RBM6: variants seen among roughly 807,000 people sequenced by gnomAD.
RBM6 encodes the protein RNA binding motif protein 6.
A neutral mutation model predicts 140.4 loss-of-function variants in RBM6; 23 were observed. The ratio of observed to expected loss-of-function variants is 0.16; its 90% confidence interval spans 0.12 to 0.23. The LOEUF is 0.23. Among genes scored for constraint, RBM6 ranks in the 10% least tolerant of loss-of-function variants. RBM6 has a pLI of 1.00. For synonymous variants in RBM6, 439 were observed against 475.6 expected, an observed-to-expected ratio of 0.92 and a Z score of 1.00; for missense variants, 1,139 against 1,386.7, an observed-to-expected ratio of 0.82 and a Z score of 2.84.
chr3:50,065,743 A>C (rs1347445780), intron 16 of RBM6: 19 of 430,314 alleles, frequency 4.4e-5, no homozygotes, highest in Middle Eastern at 1.1e-3. Context: ...CCTGCTCCGC[A>C]TTATTAATTC....
In RBM6 at chr3:50,065,071, A is replaced by G; in HGVS notation, c.2627A>G (p.Asp876Gly). ...NASEGKAPAE[D>G]VFKKPLPPTV... ...AGTGAAGGGAAGGCCCCTGCAGAAG[A>G]CGTCTTTAAGAAGCCCCTGCCTCCT... Residue 876 changes from aspartate to glycine, a missense_variant, in exon 16 of 21, where the codon GAC becomes GGC. Asp to Gly is a moderately conservative substitution (Grantham distance 94). Coordinates refer to ENST00000266022, the MANE Select transcript of RBM6 (RefSeq NM_005777.3). 1.2e-6 allele frequency: 2 copies of G among 1,613,960 alleles called. No individual in the cohort carries two copies. Among genetic ancestry groups the G allele is most frequent in the Non-Finnish European group, 1.7e-6 (2 of 1,179,914 alleles).
chr3:50,018,174 C>G (rs948860249), intron 6 of RBM6, among the ~76,000 whole-genome samples: 1 of 152,154 alleles, frequency 6.6e-6, no homozygotes, highest in Non-Finnish European at 1.5e-5. Context: ...TTTTCTCCAC[C>G]TGTTTGTTCT....
chr3:50,035,642 A>G (rs992007993), intron 6 of RBM6, among the ~76,000 whole-genome samples: 1 of 151,802 alleles, frequency 6.6e-6, no homozygotes, highest in African/African-American at 2.4e-5. Context: ...AGATCATGCC[A>G]TTGCACTCCA....
intron 6 of RBM6, among the ~76,000 whole-genome samples, chr3:50,044,142 T>G (rs934585826): frequency 9.2e-5 from 14 of 151,880 alleles, no homozygotes; most frequent in Non-Finnish European, 1.6e-4. Flanking sequence ...CCTCCCAAAG[T>G]GCTAGGATTA....
Position 49,962,609 on chromosome 3 carries a change from A to G in RBM6, c.-33A>G, listed in dbSNP as rs751942223. 4 of 1,580,590 alleles carry G rather than the reference A, an allele frequency of 2.5e-6. No individual in the cohort carries two copies. The highest frequency in any genetic ancestry group is 3.4e-6 in the Non-Finnish European group (4 of 1,166,734). On this transcript the variant is annotated 5_prime_UTR_variant, in exon 2 of 21. Transcript: ENST00000266022. ...ATAACCAGAATTTGGTAGAAAAAGG[A>G]TTTACTTGTTGGGGCCCTCTTGATA...
At chr3:50,029,835 C>A (rs2108818089) in intron 6 of RBM6, among the ~76,000 whole-genome samples, 1 of 151,994 alleles carries the variant, frequency 6.6e-6, no homozygotes, top group East Asian at 1.9e-4. Flanking sequence ...CCAGCCTGGG[C>A]AACATAGTAA....
chr3:49,971,815 GTC>G, intron 3 of RBM6, among the ~76,000 whole-genome samples: 1 of 152,130 alleles, frequency 6.6e-6, no homozygotes. Flanking sequence ...ACTCAGTCTT[GTC>G]TCTCGTAATG....
Position 49,967,940 on chromosome 3 carries a change from C to T in RBM6, c.515C>T (p.Pro172Leu), listed in dbSNP as rs142246877. The T allele has an allele frequency of 4.7e-3, 7,547 of 1,614,154 alleles. 30 individuals are homozygous for T. The highest frequency in any genetic ancestry group is 7.4e-3 in the Middle Eastern group (45 of 6,062). Reference sequence around the variant, plus strand: ...GACTTCAGAGGTAGGGATGCTCCTCCATCTGACTTCAGGGGCCGGGGCACT... The same window carrying T: ...GACTTCAGAGGTAGGGATGCTCCTCTATCTGACTTCAGGGGCCGGGGCACT... ...AVDFRGRDAP[P>L]SDFRGRGTYD... Residue 172 changes from proline (P) to leucine (L), a missense_variant, in exon 3 of 21, where the codon CCA (proline) becomes CTA (leucine). By Grantham distance (98) the Pro-to-Leu change is moderately conservative. This residue lies in a region of RBM6 where 566 missense variants were observed against 612.7 expected (regional missense o/e 0.92). Coordinates refer to ENST00000266022, the MANE Select transcript of RBM6 (RefSeq NM_005777.3). This position sits in a 1 kb window ranked among gnomAD's most constrained non-coding sequence, Gnocchi z 4.0.
chr3:50,024,513 C>A (rs1011395733), intron 6 of RBM6, among the ~76,000 whole-genome samples: 1 of 152,122 alleles, frequency 6.6e-6, no homozygotes, highest in Admixed American at 6.6e-5. Context: ...TAATTAGAAT[C>A]ACAAAAGATG....
chr3:49,999,579 T>C, intron 6 of RBM6, 66 bp downstream of exon 6: 106 of 1,170,948 alleles, frequency 9.1e-5, no homozygotes, highest in Non-Finnish European at 1.2e-4. Flanking sequence ...GGAGGGAGGG[T>C]TTCAAATGAT....
Position 50,070,550 on chromosome 3 carries a change from C to A in RBM6, c.3114C>A (p.Asp1038Glu). 1 of 1,608,994 alleles carries A rather than the reference C, an allele frequency of 6.2e-7. No homozygotes were observed. Among genetic ancestry groups the A allele is most frequent in the East Asian group, 2.2e-5 (1 of 44,834 alleles). Residue 1038 changes from aspartate to glutamate, a missense_variant and splice_region_variant, in exon 19 of 21, where the codon GAC becomes GAA. Physicochemically the swap from Asp to Glu is conservative, Grantham distance 45. Coordinates refer to ENST00000266022, the MANE Select transcript of RBM6 (RefSeq NM_005777.3). ...RKRIKYSRET[D>E]SDRKLVDKED... ...GGATTAAGTACTCCAGGGAAACTGA[C>A]AGGTAAGCCAGGAACTCTTCATTCA...
chr3:49,985,353 C>A (rs2085507647), intron 5 of RBM6, among the ~76,000 whole-genome samples: 2 of 152,276 alleles, frequency 1.3e-5, no homozygotes, highest in East Asian at 3.9e-4. Context: ...TTGGCTTCTT[C>A]CTTTAACTTT....
chr3:50,023,045 G>A (rs961995306), intron 6 of RBM6, among the ~76,000 whole-genome samples: 6 of 152,138 alleles, frequency 3.9e-5, no homozygotes, highest in African/African-American at 1.4e-4. Context: ...GCTGCAGTGA[G>A]CTATAAGCAT....
At chr3:50,056,266 T>A (rs1375900661) in intron 8 of RBM6, among the ~76,000 whole-genome samples, 1 of 152,070 alleles carries the variant, frequency 6.6e-6, no homozygotes, top group Non-Finnish European at 1.5e-5. Flanking sequence ...TCAAAGCTAT[T>A]CCAGCAAATG....
chr3:50,031,615 G>A (rs1194674948), intron 6 of RBM6, among the ~76,000 whole-genome samples: 1 of 151,966 alleles, frequency 6.6e-6, no homozygotes, highest in Non-Finnish European at 1.5e-5. Flanking sequence ...AGCATTAGGA[G>A]ATATACTTAA....
Position 49,940,672 on chromosome 3 carries a change from C to T in RBM6, c.-67+447C>T, listed in dbSNP as rs542910014. 26 of 155,076 alleles carry T rather than the reference C, an allele frequency of 1.7e-4. 1 individual carries two copies. In the South Asian group the frequency reaches 4.7e-3, roughly 28 times the overall value. 9.6% of individuals were successfully genotyped at this position (155,076 alleles called of 1,614,324 possible). A position where few individuals can be genotyped will look rare whatever the true frequency, so the allele number is the denominator to read the frequency against. ...GACTTGGACAGACACAAGGGAGGCT[C>T]CGCTGGACCGGAGGGCACAAGAGCT... is the stretch of plus-strand genomic sequence containing the variant. On this transcript the variant is annotated intron_variant, in intron 1 of 20. Transcript: ENST00000266022.
intron 1 of RBM6, among the ~76,000 whole-genome samples, chr3:49,945,067 G>A (rs1006130746): frequency 4.0e-5 from 6 of 151,706 alleles, no homozygotes; most frequent in African/African-American, 1.5e-4. Context: ...AGTAGAGACG[G>A]GGTTTCACCG....
chr3:49,983,600 A>G (rs1431793388), intron 5 of RBM6, among the ~76,000 whole-genome samples: 2 of 152,356 alleles, frequency 1.3e-5, no homozygotes, highest in Middle Eastern at 3.4e-3. Flanking sequence ...AAATATGTAA[A>G]CACTTTTAGT....
At chr3:50,055,290 T>C (rs1196446467) in intron 8 of RBM6, among the ~76,000 whole-genome samples, 1 of 152,090 alleles carries the variant, frequency 6.6e-6, no homozygotes, top group Non-Finnish European at 1.5e-5. Context: ...TAGCCACAGG[T>C]GTGGTGGCAC....
Sources: gnomAD v4.1 joint callset for allele counts (sites outside exome capture counted in the v4.1 genomes callset) on GRCh38, gnomAD v4.1.1 for gene constraint, gnomAD v4.1.1 regional missense constraint, Gnocchi (gnomAD v3.1) non-coding constraint, MANE v1.5 for transcripts, NCBI Gene and HGNC (gene_info 2026-07-23, HGNC 2026-07-21) for gene names.